Variants in MIPOL1 observed in about 807,000 individuals in gnomAD.
The protein encoded by MIPOL1 is mirror-image polydactyly gene 1 protein.
A neutral mutation model predicts 60.9 loss-of-function variants in MIPOL1; 57 were observed. That is an observed-to-expected ratio of 0.94 (90% CI 0.76 to 1.17). MIPOL1 has a LOEUF of 1.17. Ranked by LOEUF, MIPOL1 falls within the 50% of genes most tolerant of loss-of-function variation. The pLI is 0.00. For synonymous variants in MIPOL1, 179 were observed against 168.8 expected, an observed-to-expected ratio of 1.06 and a Z score of -0.47; for missense variants, 551 against 511.6, an observed-to-expected ratio of 1.08 and a Z score of -0.74.
intron 3 of MIPOL1, among the ~76,000 whole-genome samples, chr14:37,250,411 T>C (rs1973896233): frequency 6.6e-6 from 1 of 151,878 alleles, no homozygotes; most frequent in South Asian, 2.1e-4. Flanking sequence ...AGCTGGGTGT[T>C]TTGGGCACAC....
chr14:37,446,172 C>T (rs561865500), intron 11 of MIPOL1, among the ~76,000 whole-genome samples: 94 of 152,310 alleles, frequency 6.2e-4, no homozygotes, highest in African/African-American at 2.2e-3. Flanking sequence ...GCAACCTACT[C>T]ATCTGACAAA....
intron 10 of MIPOL1, among the ~76,000 whole-genome samples, chr14:37,420,284 G>A (rs552436480): frequency 1.3e-5 from 2 of 152,134 alleles, no homozygotes; most frequent in South Asian, 4.1e-4. Context: ...GGTAGGAGGT[G>A]GGAGATTTAC....
chr14:37,329,146 CTAAGATTGCTCT>C (rs1353018641), intron 9 of MIPOL1, among the ~76,000 whole-genome samples: 1 of 151,718 alleles, frequency 6.6e-6, no homozygotes, highest in Non-Finnish European at 1.5e-5. Flanking sequence ...ACTGTTTTCA[CTAAGATTGCTCT>C]TAAGTTAATC....
At chr14:37,480,832 A>G (rs950750112) in intron 11 of MIPOL1, among the ~76,000 whole-genome samples, 1 of 152,180 alleles carries the variant, frequency 6.6e-6, no homozygotes, top group Admixed American at 6.6e-5. Context: ...ACAAACAAAA[A>G]AAACCTCTTA....
chr14:37,293,773 C>T (rs1444297968), intron 7 of MIPOL1, among the ~76,000 whole-genome samples: 1 of 152,176 alleles, frequency 6.6e-6, no homozygotes, highest in Non-Finnish European at 1.5e-5. Flanking sequence ...GGGGTGCCCG[C>T]CATTGCTCAG....
At chr14:37,328,703 A>G (rs1045112003) in intron 9 of MIPOL1, among the ~76,000 whole-genome samples, 3 of 152,204 alleles carry the variant, frequency 2.0e-5, no homozygotes, top group Non-Finnish European at 4.4e-5. Context: ...TTTGAGGAGC[A>G]CTGCTCTAAA....
rs2093917331 is a variant in MIPOL1, at chr14:37,423,840, G to T, written c.1031+891G>T. ...AAAATATTATGTCATGATATATCAT[G>T]ATATACATGCATCATTATTAATGGA... On this transcript the variant is annotated intron_variant, in intron 11 of 12. Transcript: ENST00000684589. The T allele has an allele frequency of 3.9e-5, 6 of 152,212 alleles. No individual in the cohort carries two copies. The South Asian group carries it at 1.2e-3, about 32-fold the overall frequency. The allele number at this position is 152,212 out of a possible 1,614,324, so 9.4% of individuals were successfully genotyped here. A position where few individuals can be genotyped will look rare whatever the true frequency, so the allele number is the denominator to read the frequency against.
At chr14:37,492,811 G>A (rs1433170177) in intron 11 of MIPOL1, among the ~76,000 whole-genome samples, 1 of 152,086 alleles carries the variant, frequency 6.6e-6, no homozygotes, top group Non-Finnish European at 1.5e-5. Context: ...TCTATCCTCT[G>A]TTTAGCAGCA....
rs374008713 is a variant in MIPOL1, at chr14:37,379,358, C to T, written c.936+9734C>T. On this transcript the variant is annotated intron_variant, in intron 10 of 12. Coordinates refer to ENST00000684589, the MANE Select transcript of MIPOL1 (RefSeq NM_001388067.1). ...AAATGTTAAAGCTAAAACTATAAAACTCCTAGAAGAAAAAACATAACTGCA... is the reference window on the plus strand; with the variant it reads ...AAATGTTAAAGCTAAAACTATAAAATTCCTAGAAGAAAAAACATAACTGCA... Among the ~76,000 whole-genome samples, 17 of 152,110 alleles carry T rather than the reference C, an allele frequency of 1.1e-4. No individual in the cohort carries two copies. The East Asian group carries it at 3.1e-3, about 28-fold the overall frequency.
chr14:37,462,066 G>A (rs2094545771), intron 11 of MIPOL1, among the ~76,000 whole-genome samples: 1 of 152,202 alleles, frequency 6.6e-6, no homozygotes, highest in African/African-American at 2.4e-5. Context: ...CACTGCCCTA[G>A]CAGAGGTTCT....
chr14:37,329,360 C>T (rs192384669), intron 9 of MIPOL1, among the ~76,000 whole-genome samples: 122 of 152,288 alleles, frequency 8.0e-4, no homozygotes, highest in African/African-American at 2.8e-3. Context: ...CAAATATTTA[C>T]TTGCTTCCTG....
chr14:37,244,263 G>A (rs1972823267), intron 1 of MIPOL1, among the ~76,000 whole-genome samples: 2 of 151,290 alleles, frequency 1.3e-5, no homozygotes, highest in South Asian at 4.2e-4. Context: ...GGGGACTACA[G>A]GTGCACACCA....
intron 12 of MIPOL1, among the ~76,000 whole-genome samples, chr14:37,519,821 A>T (rs968023302): frequency 6.6e-6 from 1 of 152,156 alleles, no homozygotes; most frequent in African/African-American, 2.4e-5. Flanking sequence ...GTGATATCAT[A>T]GACTTGAACA....
chr14:37,437,922 C>T (rs1020345304), intron 11 of MIPOL1, among the ~76,000 whole-genome samples: 1 of 151,736 alleles, frequency 6.6e-6, no homozygotes, highest in African/African-American at 2.4e-5. Flanking sequence ...ACATTTATAA[C>T]TTTTTTTTAG....
chr14:37,284,333 ATTATTT>A (rs1260898050), intron 6 of MIPOL1, among the ~76,000 whole-genome samples: 3 of 151,462 alleles, frequency 2.0e-5, no homozygotes, highest in Non-Finnish European at 4.4e-5. Flanking sequence ...TTGTATTATT[ATTATTT>A]TTATTTATGT....
chr14:37,304,879 A>G (rs925287903), intron 7 of MIPOL1, among the ~76,000 whole-genome samples: 1 of 151,844 alleles, frequency 6.6e-6, no homozygotes, highest in African/African-American at 2.4e-5. Flanking sequence ...TGTTGTAGGC[A>G]TAATTTAAAG....
intron 5 of MIPOL1, among the ~76,000 whole-genome samples, chr14:37,269,836 AT>A (rs1188002390): frequency 1.3e-5 from 2 of 151,660 alleles, no homozygotes; most frequent in Non-Finnish European, 2.9e-5. Context: ...TATTATTATT[AT>A]TTTTTTTGAG....
At chr14:37,536,171 T>A (rs930703074) in intron 12 of MIPOL1, among the ~76,000 whole-genome samples, 14 of 152,206 alleles carry the variant, frequency 9.2e-5, no homozygotes, top group African/African-American at 2.9e-4. Flanking sequence ...TCATACCTGA[T>A]TAGTAATGAG....
At chr14:37,285,497 G>A (rs1410070732) in intron 7 of MIPOL1, 50 bp downstream of exon 7, 1 of 1,573,832 alleles carries the variant, frequency 6.4e-7, no homozygotes, top group African/African-American at 1.4e-5. Context: ...CTTATAAAAG[G>A]CATGCTTTAG....
Sources: allele counts gnomAD v4.1 joint callset (sites outside exome capture counted in the v4.1 genomes callset), GRCh38; gene constraint gnomAD v4.1.1; transcripts MANE v1.5; gene names NCBI Gene and HGNC (gene_info 2026-07-23, HGNC 2026-07-21).